The following MROH9 variants were observed in gnomAD, a reference collection of about 807,000 sequenced individuals.
MROH9 encodes the protein maestro heat-like repeat-containing protein family member 9.
Under a neutral mutation model 98.2 loss-of-function variants are expected in MROH9, and 92 were observed. That is an observed-to-expected ratio of 0.94 (90% CI 0.79 to 1.11). The LOEUF (loss-of-function observed/expected upper bound fraction) is 1.11. MROH9 is among the 50% of genes most tolerant of loss of function. MROH9 has a pLI of 0.00. For synonymous variants in MROH9, 397 were observed against 368.9 expected (o/e 1.08, Z -0.87); for missense variants, 1,057 against 1,014.8 (o/e 1.04, Z -0.57).
chr1:171,038,044 A>T (rs941287338), intron 20 of MROH9, among the ~76,000 whole-genome samples: 4 of 152,070 alleles, frequency 2.6e-5, no homozygotes, highest in African/African-American at 9.7e-5. Flanking sequence ...GCTAAGTAAG[A>T]GTCAAAAGAA....
intron 20 of MROH9, among the ~76,000 whole-genome samples, chr1:171,038,257 G>A (rs923883249): frequency 2.0e-5 from 3 of 151,982 alleles, no homozygotes; most frequent in African/African-American, 7.2e-5. Context: ...AAATCATTTG[G>A]CTCTTAAGCA....
intron 21 of MROH9, among the ~76,000 whole-genome samples, chr1:171,062,457 A>T (rs977487278): frequency 4.6e-5 from 7 of 152,168 alleles, no homozygotes; most frequent in Non-Finnish European, 7.4e-5. Context: ...GAGAACTATC[A>T]TCCTAGAGCC....
chr1:170,978,793 C>T (rs1650815362), intron 8 of MROH9, among the ~76,000 whole-genome samples: 1 of 152,052 alleles, frequency 6.6e-6, no homozygotes, highest in African/African-American at 2.4e-5. Context: ...TGGAAAATAG[C>T]CCAGCCACTT....
intron 20 of MROH9, among the ~76,000 whole-genome samples, chr1:171,048,708 G>T (rs1653545969): frequency 6.6e-6 from 1 of 152,100 alleles, no homozygotes. Flanking sequence ...CTTTCCTCAA[G>T]CAGAAGGAGT....
chr1:171,054,677 C>T (rs891705528), intron 20 of MROH9, among the ~76,000 whole-genome samples: 5 of 152,074 alleles, frequency 3.3e-5, no homozygotes, highest in Admixed American at 3.3e-4. Context: ...ACAATCCTAT[C>T]AAAAAGTGGG....
rs1469840744 is a variant in MROH9, at chr1:170,957,909, C to T, written c.73-552C>T. Reference sequence around the variant, plus strand: ...CTGCAAGCTCTGCCTCCCGGGTTCACGCCATTCTCCTGCCTCGGTCTCCCG... The same window carrying T: ...CTGCAAGCTCTGCCTCCCGGGTTCATGCCATTCTCCTGCCTCGGTCTCCCG... On this transcript the variant is annotated intron_variant, in intron 3 of 21. Transcript: ENST00000367759. 5.3e-5 allele frequency among the ~76,000 whole-genome samples: 8 copies of T among 151,858 alleles called. No homozygotes were observed. In the South Asian group the frequency reaches 1.0e-3, roughly 20 times the overall value.
At chr1:170,937,338 T>G (rs1474526343) in intron 1 of MROH9, among the ~76,000 whole-genome samples, 1 of 152,174 alleles carries the variant, frequency 6.6e-6, no homozygotes, top group Non-Finnish European at 1.5e-5. Context: ...TAACAATACT[T>G]AAATACTAGA....
chr1:171,045,613 T>C (rs962563744), intron 20 of MROH9, among the ~76,000 whole-genome samples: 1 of 152,152 alleles, frequency 6.6e-6, no homozygotes, highest in Admixed American at 6.5e-5. Flanking sequence ...AAATTCCTCT[T>C]GTTATTAATT....
At chr1:171,035,985 A>G (rs1398463377) in intron 20 of MROH9, among the ~76,000 whole-genome samples, 2 of 152,164 alleles carry the variant, frequency 1.3e-5, no homozygotes, top group East Asian at 3.8e-4. Flanking sequence ...ACTAGTTATA[A>G]CCCAATCCTC....
intron 7 of MROH9, among the ~76,000 whole-genome samples, chr1:170,966,426 A>C (rs1396019084): frequency 6.6e-6 from 1 of 152,106 alleles, no homozygotes; most frequent in African/African-American, 2.4e-5. Context: ...ATTTGTAAAC[A>C]TACTCTGCTA....
intron 20 of MROH9, among the ~76,000 whole-genome samples, chr1:171,057,091 G>A (rs534865177): frequency 1.3e-5 from 2 of 152,298 alleles, no homozygotes; most frequent in South Asian, 2.1e-4. Flanking sequence ...CTCCAGCAAG[G>A]GCACAGCACT....
At chr1:171,052,986 C>A (rs1455471761) in intron 20 of MROH9, among the ~76,000 whole-genome samples, 1 of 152,128 alleles carries the variant, frequency 6.6e-6, no homozygotes, top group Non-Finnish European at 1.5e-5. Flanking sequence ...GGGGCTCATT[C>A]TCCTGACTGA....
rs779364712 is a variant in MROH9 at position 170,961,959 on chromosome 1, A to G, written c.358A>G (p.Lys120Glu). 6 of 1,528,602 alleles carry G rather than the reference A, an allele frequency of 3.9e-6. No homozygotes were observed. In the South Asian group the frequency reaches 6.1e-5, roughly 16 times the overall value. The allele number at this position is 1,528,602 out of a possible 1,614,324, so 94.7% of individuals were successfully genotyped here. Residue 120 changes from lysine (K) to glutamate (E), a missense_variant, in exon 6 of 22, where the codon AAA (lysine) becomes GAA (glutamate). By Grantham distance (56) the Lys-to-Glu change is moderately conservative. Transcript: ENST00000367759. ...LTSLVSKDLY[K>E]LQILKEMLVW... ...GAGCTTGGTGTCTAAAGACCTCTACAAACTACAGATCTTAAAGGTAAAGAG... is the reference window on the plus strand; with the variant it reads ...GAGCTTGGTGTCTAAAGACCTCTACGAACTACAGATCTTAAAGGTAAAGAG...
rs1433813562 is a variant in MROH9, at chr1:171,012,247, CTTTT to C, written c.1597-1869_1597-1866del. On this transcript the variant is annotated intron_variant, in intron 15 of 21. Transcript: ENST00000367759. ...ATTTAAACTTTCTTTTTGGTTTCTT[CTTTT>C]ATTATATCACAAATTTTTGAAGTGC... is the stretch of plus-strand genomic sequence containing the variant. Among the ~76,000 whole-genome samples, 3 of 151,926 alleles carry C rather than the reference CTTTT, an allele frequency of 2.0e-5. No individual in the cohort carries two copies. In the East Asian group the frequency reaches 5.8e-4, roughly 29 times the overall value.
At chr1:170,949,044 T>C (rs2101875464) in intron 3 of MROH9, among the ~76,000 whole-genome samples, 1 of 152,202 alleles carries the variant, frequency 6.6e-6, no homozygotes, top group East Asian at 1.9e-4. Context: ...ACTTGCAAGA[T>C]AGGTCTCAGC....
chr1:170,954,988 G>A (rs1191731210), intron 3 of MROH9, among the ~76,000 whole-genome samples: 8 of 151,740 alleles, frequency 5.3e-5, no homozygotes, highest in Admixed American at 3.9e-4. Flanking sequence ...CCAAGTCCCC[G>A]AAGTCCATTG....
At chr1:171,009,512 CA>C (rs1329097069) in intron 15 of MROH9, among the ~76,000 whole-genome samples, 2 of 152,052 alleles carry the variant, frequency 1.3e-5, no homozygotes, top group Non-Finnish European at 2.9e-5. Context: ...TATTAGATGC[CA>C]GGGTTTTCCA....
intron 6 of MROH9, 115 bp downstream of exon 6, chr1:170,962,091 A>G: frequency 1.6e-6 from 1 of 607,350 alleles, no homozygotes; most frequent in Non-Finnish European, 2.8e-6. Context: ...GATGACTGAA[A>G]GTTTTTCTTT....
intron 20 of MROH9, among the ~76,000 whole-genome samples, chr1:171,032,826 G>A (rs569337515): frequency 9.8e-5 from 15 of 152,298 alleles, no homozygotes; most frequent in East Asian, 1.9e-4. Flanking sequence ...CACACCAGGC[G>A]GGAAACCCAC....
Sources: gnomAD v4.1 joint callset for allele counts (sites outside exome capture counted in the v4.1 genomes callset) on GRCh38, gnomAD v4.1.1 for gene constraint, MANE v1.5 for transcripts, NCBI Gene and HGNC (gene_info 2026-07-23, HGNC 2026-07-21) for gene names.